Variants in CMKLR1 observed in about 807,000 individuals in gnomAD.
The protein encoded by CMKLR1 is chemerin chemokine-like receptor 1, also known as chemerin-like receptor 1.
A neutral mutation model predicts 8.2 loss-of-function variants in CMKLR1; 6 were observed. The ratio of observed to expected loss-of-function variants is 0.73; its 90% CI spans 0.40 to 1.44. CMKLR1 has a LOEUF of 1.44. Among genes scored for constraint, CMKLR1 ranks in the 40% most tolerant of loss-of-function variants. The pLI, the probability that CMKLR1 is intolerant of heterozygous loss-of-function variation, is 0.02. For missense variants in CMKLR1, 429 were observed against 478.0 expected, an observed-to-expected ratio of 0.90 and a Z score of 0.96; for synonymous variants, 178 against 181.2, an observed-to-expected ratio of 0.98 and a Z score of 0.14.
chr12:108,305,700 G>A (rs1198141777), intron 2 of CMKLR1, among the ~76,000 whole-genome samples: 1 of 152,222 alleles, frequency 6.6e-6, no homozygotes, highest in Non-Finnish European at 1.5e-5. Context: ...CCAGCCCCAG[G>A]ACAGAATTAG....
At chr12:108,315,247 G>T (rs983119801) in intron 2 of CMKLR1, among the ~76,000 whole-genome samples, 3 of 152,146 alleles carry the variant, frequency 2.0e-5, no homozygotes, top group Non-Finnish European at 4.4e-5. Context: ...CTCCACACCA[G>T]CTGGGGGTGG....
At chr12:108,310,993 G>A (rs537932516) in intron 2 of CMKLR1, among the ~76,000 whole-genome samples, 62 of 150,236 alleles carry the variant, frequency 4.1e-4, no homozygotes, top group African/African-American at 1.5e-3. Context: ...TGCAGATGAA[G>A]GAGCAGTCAG....
At chr12:108,293,560 T>C (rs1362005175) in intron 3 of CMKLR1, 29 bp downstream of exon 3, 4 of 1,551,534 alleles carry the variant, frequency 2.6e-6, no homozygotes, top group Admixed American at 2.0e-5. Flanking sequence ...CTGGTGCCCT[T>C]TGGAGTTCAG....
In CMKLR1 at chr12:108,293,593, C is replaced by T; in HGVS notation, c.-2G>A. The T allele has an allele frequency of 6.4e-7, 1 of 1,550,792 alleles. No homozygotes were observed. Among genetic ancestry groups the T allele is most frequent in the Non-Finnish European group, 8.7e-7 (1 of 1,146,838 alleles). On this transcript the variant is annotated 5_prime_UTR_variant, in exon 3 of 4. Coordinates refer to ENST00000550402, the MANE Select transcript of CMKLR1 (RefSeq NM_001142343.2). ...CAGACCACAAGACTTCCTCACCATT[C>T]ACCGTTATGTTGTCTGCAGCTCTCC...
At chr12:108,316,677 A>C (rs1891742516) in intron 2 of CMKLR1, among the ~76,000 whole-genome samples, 1 of 152,216 alleles carries the variant, frequency 6.6e-6, no homozygotes. Flanking sequence ...TCCTGGGGTG[A>C]GGGCCATTTG....
intron 2 of CMKLR1, among the ~76,000 whole-genome samples, chr12:108,311,371 T>C (rs111874809): frequency 6.6e-6 from 1 of 152,156 alleles, no homozygotes; most frequent in East Asian, 1.9e-4. Context: ...TCCCAGCACT[T>C]TGGGAGGCTG....
At chr12:108,293,693 A>T in intron 2 of CMKLR1, 29 bp from the exon 3 acceptor site, 1 of 1,204,022 alleles carries the variant, frequency 8.3e-7, no homozygotes, top group Admixed American at 2.4e-5. Flanking sequence ...AAAAAAAAGC[A>T]GCAATTGGAT....
intron 2 of CMKLR1, among the ~76,000 whole-genome samples, chr12:108,301,161 T>C (rs1335344789): frequency 1.3e-5 from 2 of 148,574 alleles, no homozygotes; most frequent in Non-Finnish European, 3.0e-5. Context: ...CTGCAGCCTC[T>C]GCCTCTCGGG....
chr12:108,318,553 G>C (rs1891786455), intron 2 of CMKLR1, among the ~76,000 whole-genome samples: 1 of 152,220 alleles, frequency 6.6e-6, no homozygotes, highest in Non-Finnish European at 1.5e-5. Flanking sequence ...AGAGAATTCT[G>C]TGGATATATG....
At chr12:108,337,627 A>T (rs181465617) in intron 1 of CMKLR1, among the ~76,000 whole-genome samples, 1 of 152,140 alleles carries the variant, frequency 6.6e-6, no homozygotes, top group Admixed American at 6.5e-5. Flanking sequence ...CGGGTAGGGG[A>T]CTTCTCAGAA....
At chr12:108,334,847 G>A (rs1169386260) in intron 1 of CMKLR1, among the ~76,000 whole-genome samples, 1 of 152,164 alleles carries the variant, frequency 6.6e-6, no homozygotes. Context: ...AGGCTTGTAG[G>A]GAGATTCAAG....
chr12:108,315,372 A>C (rs1047122155), intron 2 of CMKLR1, among the ~76,000 whole-genome samples: 1 of 152,138 alleles, frequency 6.6e-6, no homozygotes, highest in African/African-American at 2.4e-5. Context: ...GCTTGCCCAC[A>C]ACAATCCCTG....
At chr12:108,336,365 T>C (rs1892223645) in intron 1 of CMKLR1, among the ~76,000 whole-genome samples, 1 of 151,970 alleles carries the variant, frequency 6.6e-6, no homozygotes, top group Admixed American at 6.6e-5. Context: ...GCTAATACGG[T>C]GAAACCCCGT....
At chr12:108,324,785 T>C (rs1891944116) in intron 2 of CMKLR1, among the ~76,000 whole-genome samples, 1 of 152,050 alleles carries the variant, frequency 6.6e-6, no homozygotes, top group African/African-American at 2.4e-5. Flanking sequence ...CTTCTGCTGT[T>C]GGGCTCACTT....
chr12:108,311,538 C>T (rs1593168734), intron 2 of CMKLR1, among the ~76,000 whole-genome samples: 1 of 152,280 alleles, frequency 6.6e-6, no homozygotes. Flanking sequence ...AGGTGGGAGG[C>T]TCGCTTGAGC....
intron 2 of CMKLR1, among the ~76,000 whole-genome samples, chr12:108,305,797 C>T (rs1447076088): frequency 3.3e-5 from 5 of 152,206 alleles, no homozygotes; most frequent in Admixed American, 6.5e-5. Context: ...CAGAGCGGCA[C>T]GGGCTGCCTA....
intron 1 of CMKLR1, among the ~76,000 whole-genome samples, chr12:108,330,495 G>A (rs1892080326): frequency 6.6e-6 from 1 of 152,258 alleles, no homozygotes; most frequent in African/African-American, 2.4e-5. Context: ...GATGTGTGAT[G>A]TCTGCCACAG....
Position 108,290,590 on chromosome 12 carries a change from G to A in CMKLR1, c.*1251C>T, listed in dbSNP as rs1890936488. The A allele has an allele frequency of 6.6e-6, 1 of 152,136 alleles. No individual in the cohort carries two copies. Among genetic ancestry groups the A allele is most frequent in the African/African-American group, 2.4e-5 (1 of 41,406 alleles). 9.4% of individuals were successfully genotyped at this position (152,136 alleles called of 1,614,324 possible). On this transcript the variant is annotated 3_prime_UTR_variant, in exon 4 of 4. Transcript: ENST00000550402. ...GCCACTGATTAGCTGTGTGATGCTG[G>A]GCAAGTTACTTTCCCCATCTGGGCC...
Position 108,291,947 on chromosome 12 carries a change from C to A in CMKLR1, c.1016G>T (p.Ser339Ile). The change falls in exon 4 of 4, where the codon AGT becomes ATT. Residue 339 changes from serine to isoleucine, a missense_variant. Coordinates refer to ENST00000550402, the MANE Select transcript of CMKLR1 (RefSeq NM_001142343.2). ...ALFSRLVNAL[S>I]EDTGHSSYPS... ...GTAGGAAGAGTGGCCTGTATCTTCA[C>A]TTAGAGCATTGACCAGGCGAGAGAA... 1.2e-6 allele frequency: 2 copies of A among 1,614,190 alleles called. No homozygotes were observed. The highest frequency in any genetic ancestry group is 1.7e-6 in the Non-Finnish European group (2 of 1,180,036).
Sources: gnomAD v4.1 joint callset for allele counts (sites outside exome capture counted in the v4.1 genomes callset) on GRCh38, gnomAD v4.1.1 for gene constraint, MANE v1.5 for transcripts, NCBI Gene and HGNC (gene_info 2026-07-23, HGNC 2026-07-21) for gene names.